The following C8A variants were observed in gnomAD, a reference collection of about 807,000 sequenced individuals.
The protein encoded by C8A is complement C8 alpha chain.
In C8A, 67 loss-of-function variants were observed where a neutral mutation model predicts 65.3. The observed-to-expected ratio is 1.03, with a 90% CI of 0.84 to 1.26. The LOEUF is 1.26. Ranked by LOEUF, C8A falls within the 50% of genes most tolerant of loss-of-function variation. The pLI is 0.00. For missense variants in C8A, 781 were observed against 723.9 expected (o/e 1.08, Z -0.90); for synonymous variants, 290 against 259.4 (o/e 1.12, Z -1.13).
In C8A at chr1:56,854,881, G is replaced by C; in HGVS notation, c.-21G>C. ...AGCTTTATTCCTTCAAGGTAATATAGTGCGGTGGCTTCTGGCTGAGATGTT... is the reference window on the plus strand; with the variant it reads ...AGCTTTATTCCTTCAAGGTAATATACTGCGGTGGCTTCTGGCTGAGATGTT... On this transcript the variant is annotated 5_prime_UTR_variant, in exon 1 of 11. Coordinates refer to ENST00000361249, the MANE Select transcript of C8A (RefSeq NM_000562.3). 1.2e-6 allele frequency: 2 copies of C among 1,608,082 alleles called. No individual in the cohort carries two copies. The highest frequency in any genetic ancestry group is 1.7e-6 in the Non-Finnish European group (2 of 1,175,574).
chr1:56,905,598 C>T (rs1644457897), intron 7 of C8A, among the ~76,000 whole-genome samples: 1 of 152,206 alleles, frequency 6.6e-6, no homozygotes, highest in Admixed American at 6.5e-5. Flanking sequence ...GGCAAATAAA[C>T]TTTGATGCTC....
chr1:56,906,656 C>G lies in C8A; in HGVS notation c.1097-11C>G. The G allele has an allele frequency of 6.2e-7, 1 of 1,613,982 alleles. No individual in the cohort carries two copies. The highest frequency in any genetic ancestry group is 8.5e-7 in the Non-Finnish European group (1 of 1,179,872). On this transcript the variant is annotated splice_polypyrimidine_tract_variant and intron_variant, in intron 7 of 10. Transcript: ENST00000361249. The stretch of plus-strand genomic sequence containing the variant: ...CTCAGCATTTTGTGTTTCTCTGTCT[C>G]CCTGTTGCAGGTATTACCAGCAGAG...
intron 1 of C8A, among the ~76,000 whole-genome samples, chr1:56,864,075 T>C (rs940554096): frequency 2.0e-5 from 3 of 152,160 alleles, no homozygotes; most frequent in Non-Finnish European, 4.4e-5. Context: ...AAATAAATCA[T>C]ACAAATATTA....
At chr1:56,879,055 G>A (rs1570326537) in intron 4 of C8A, among the ~76,000 whole-genome samples, 1 of 152,076 alleles carries the variant, frequency 6.6e-6, no homozygotes, top group Non-Finnish European at 1.5e-5. Flanking sequence ...AATTCAGCCG[G>A]CTATTCTTAC....
intron 1 of C8A, among the ~76,000 whole-genome samples, chr1:56,865,639 C>G (rs1644078358): frequency 6.6e-6 from 1 of 152,082 alleles, no homozygotes; most frequent in African/African-American, 2.4e-5. Context: ...AACTACCAAA[C>G]TATGGTTATT....
intron 1 of C8A, among the ~76,000 whole-genome samples, chr1:56,855,495 A>T (rs1196377367): frequency 6.6e-6 from 1 of 152,144 alleles, no homozygotes; most frequent in Non-Finnish European, 1.5e-5. Context: ...AAGGCAAAGG[A>T]CTATAGAGAT....
chr1:56,912,450 G>A lies in C8A; in HGVS notation c.1428G>A (p.Leu476=), dbSNP rs1294347835. 1.4e-5 allele frequency: 22 copies of A among 1,614,212 alleles called. 1 individual carries two copies. The highest frequency in any genetic ancestry group is 3.3e-4 in the Middle Eastern group (2 of 6,062). Residue 476 remains leucine, a synonymous_variant, in exon 10 of 11, where the codon CTG becomes CTA. Coordinates refer to ENST00000361249, the MANE Select transcript of C8A (RefSeq NM_000562.3). ...TGCGGCACACAAGCCTGGGGCCTCT[G>A]GAGGCCAAGCGCCAGAACCTGCGCC... ...EVLRHTSLGP[L]EAKRQNLRRA... is the part of the protein sequence containing the mutation.
At chr1:56,878,736 C>G (rs1557702510) in intron 4 of C8A, among the ~76,000 whole-genome samples, 4 of 152,132 alleles carry the variant, frequency 2.6e-5, no homozygotes, top group African/African-American at 9.7e-5. Flanking sequence ...TACCTGCACT[C>G]CGTCCAACAG....
chr1:56,876,129 C>G lies in C8A; in HGVS notation c.384C>G (p.Asp128Glu), dbSNP rs760688012. Residue 128 changes from aspartate (D) to glutamate (E), a missense_variant, in exon 4 of 11, where the codon GAC becomes GAG. Transcript: ENST00000361249. ...DQDCLDGSDE[D>E]DCEDVRAIDE... ...ACTGCCTTGATGGCTCTGATGAGGA[C>G]GACTGTGAAGATGTCAGGGCCATTG... The G allele has an allele frequency of 2.5e-6, 4 of 1,613,784 alleles. No homozygotes were observed. The highest frequency in any genetic ancestry group is 1.1e-5 in the South Asian group (1 of 91,068).
At chr1:56,858,319 A>G (rs1157591698) in intron 1 of C8A, among the ~76,000 whole-genome samples, 1 of 152,202 alleles carries the variant, frequency 6.6e-6, no homozygotes, top group Admixed American at 6.5e-5. Context: ...TAACTCAGAT[A>G]GGCATTTATG....
At chr1:56,855,014 T>C in intron 1 of C8A, 36 bp downstream of exon 1, 2 of 1,500,030 alleles carry the variant, frequency 1.3e-6, no homozygotes, top group Non-Finnish European at 1.9e-6. Flanking sequence ...AACTTGCACG[T>C]AGGAATCACC....
rs1037580993 is a variant in C8A, at chr1:56,875,097, A to G, written c.316+4A>G. 1.9e-6 allele frequency: 3 copies of G among 1,613,158 alleles called. No individual in the cohort carries two copies. The highest frequency in any genetic ancestry group is 2.5e-6 in the Non-Finnish European group (3 of 1,179,590). Reference sequence around the variant, plus strand: ...GATTTCCAGTGTAAGGAGACAGGTGAGTAGCATTTCAGCAGAATAACAGCT... The same window carrying G: ...GATTTCCAGTGTAAGGAGACAGGTGGGTAGCATTTCAGCAGAATAACAGCT... On this transcript the variant is annotated splice_donor_region_variant and intron_variant, in intron 3 of 10. Coordinates refer to ENST00000361249, the MANE Select transcript of C8A (RefSeq NM_000562.3).
At chr1:56,858,107 C>T (rs1643995765) in intron 1 of C8A, among the ~76,000 whole-genome samples, 1 of 152,058 alleles carries the variant, frequency 6.6e-6, no homozygotes, top group Non-Finnish European at 1.5e-5. Context: ...CTTCTACTAC[C>T]CTTCTCATTA....
intron 10 of C8A, 97 bp downstream of exon 10, chr1:56,912,722 G>A (rs1386906655): frequency 2.8e-5 from 31 of 1,096,944 alleles, no homozygotes. Context: ...TCCTTTTGGA[G>A]CTCTCCTAGC....
intron 1 of C8A, among the ~76,000 whole-genome samples, chr1:56,866,651 G>A (rs1194154908): frequency 6.6e-6 from 1 of 152,234 alleles, no homozygotes; most frequent in African/African-American, 2.4e-5. Context: ...CAGAGGCTGT[G>A]GTAATTCTAG....
Position 56,886,079 on chromosome 1 carries a change from C to T in C8A, c.1008C>T (p.Asp336=), listed in dbSNP as rs1419405383. ...GCATGTATGCCAAGTTCATCAATGA[C>T]TATGGCACCCATTACATCACATCTG... ...NYGMYAKFIN[D]YGTHYITSGS... is the part of the protein sequence containing the mutation. The change falls in exon 7 of 11, where the codon GAC becomes GAT. Residue 336 remains aspartate (D), a synonymous_variant. Transcript: ENST00000361249. 6.2e-7 allele frequency: 1 copy of T among 1,613,986 alleles called. No individual in the cohort carries two copies. Among genetic ancestry groups the T allele is most frequent in the East Asian group, 2.2e-5 (1 of 44,850 alleles).
chr1:56,885,896 T>G (rs1374043665), intron 6 of C8A, 31 bp from the exon 7 acceptor site: 1 of 1,613,572 alleles, frequency 6.2e-7, no homozygotes, highest in Non-Finnish European at 8.5e-7. Flanking sequence ...CTCTTTGTTC[T>G]TTTGCTTTAT....
chr1:56,883,630 C>G lies in C8A; in HGVS notation c.804C>G (p.Ser268=), dbSNP rs1284923402. ...GSPLLVGVGV[S]HSQDTSFLNE... ...CTTTATTGGTGGGTGTAGGTGTATC[C>G]CACTCACAAGACACTTCATTCTTGA... is the stretch of plus-strand genomic sequence containing the variant. The change falls in exon 6 of 11, where the codon TCC becomes TCG. Residue 268 remains serine (S), a synonymous_variant. Coordinates refer to ENST00000361249, the MANE Select transcript of C8A (RefSeq NM_000562.3). 1 of 1,613,752 alleles carries G rather than the reference C, an allele frequency of 6.2e-7. No homozygotes were observed. The highest frequency in any genetic ancestry group is 1.3e-5 in the African/African-American group (1 of 74,994).
intron 7 of C8A, among the ~76,000 whole-genome samples, chr1:56,899,455 C>A (rs961237930): frequency 2.0e-5 from 3 of 152,108 alleles, no homozygotes; most frequent in African/African-American, 7.2e-5. Flanking sequence ...ACTATTTCAA[C>A]CTACTCCTTT....
Sources: allele counts gnomAD v4.1 joint callset (sites outside exome capture counted in the v4.1 genomes callset), GRCh38; gene constraint gnomAD v4.1.1; transcripts MANE v1.5; gene names NCBI Gene and HGNC (gene_info 2026-07-23, HGNC 2026-07-21).